CLCF1: variants seen among roughly 807,000 people sequenced by gnomAD.
CLCF1 encodes cardiotrophin like cytokine factor 1.
Under a neutral mutation model 21.2 loss-of-function variants are expected in CLCF1, and 10 were observed. The observed-to-expected ratio is 0.47, with a 90% CI of 0.29 to 0.80. The LOEUF (loss-of-function observed/expected upper bound fraction) is 0.80, where lower values mean the gene tolerates loss of function less well. Ranked by LOEUF, CLCF1 falls within the 30% of genes least tolerant of loss-of-function variation. The probability of loss-of-function intolerance (pLI) is 0.09; values close to 1 mark genes in which losing one functional copy is unlikely to be tolerated. For missense variants in CLCF1, 240 were observed against 293.4 expected (o/e 0.82, Z 1.33); for synonymous variants, 115 against 120.5 (o/e 0.95, Z 0.30).
At position 67,367,574 on chromosome 11, in the gene CLCF1, A is replaced by G. The variant is rs1862138962; in HGVS notation, c.69T>C (p.Pro23=). The change falls in exon 2 of 3, where the codon CCT becomes CCC. Residue 23 remains proline, a synonymous_variant. Transcript: ENST00000312438. ...ACLCTVLWHL[P]AVPALNRTGD... ...CTGTGCGATTGAGAGCTGGCACTGC[A>G]GGGAGGTGCCAGAGCACCGTGCACA... 3 of 1,613,820 alleles carry G rather than the reference A, an allele frequency of 1.9e-6. No homozygotes were observed. The highest frequency in any genetic ancestry group is 2.5e-6 in the Non-Finnish European group (3 of 1,179,916).
At chr11:67,373,860 C>G (rs1234972896), upstream of CLCF1, 3 of 941,888 alleles carry the variant, frequency 3.2e-6, no homozygotes, top group Non-Finnish European at 4.0e-6. Context: ...TGAGGTGAGG[C>G]GAGGCTGTGG....
chr11:67,366,376 C>T (rs773336986), intron 2 of CLCF1, among the ~76,000 whole-genome samples: 5 of 152,110 alleles, frequency 3.3e-5, no homozygotes, highest in African/African-American at 4.8e-5. Flanking sequence ...CCCCATTTGC[C>T]GCTGACACAC....
At position 67,372,277 on chromosome 11, in the gene CLCF1, C is replaced by G. The variant is rs1050302950; in HGVS notation, c.16+1247G>C. Among the ~76,000 whole-genome samples the G allele has an allele frequency of 6.6e-6, 1 of 151,898 alleles. No individual in the cohort carries two copies. The highest frequency in any genetic ancestry group is 2.4e-5 in the African/African-American group (1 of 41,370). ...CCTCTCCTGGTAGCCCCTCACACCCCGGGGGGAGGGCCAGGCTGGGAGCTG... is the reference window on the plus strand; with the variant it reads ...CCTCTCCTGGTAGCCCCTCACACCCGGGGGGGAGGGCCAGGCTGGGAGCTG... On this transcript the variant is annotated intron_variant, in intron 1 of 2. Coordinates refer to ENST00000312438, the MANE Select transcript of CLCF1 (RefSeq NM_013246.3). The surrounding 1 kb of genome is among the most constrained non-coding windows in gnomAD (Gnocchi z 5.9).
chr11:67,369,611 T>C lies in CLCF1; in HGVS notation c.17-1985A>G, dbSNP rs1196609525. On this transcript the variant is annotated intron_variant, in intron 1 of 2. Coordinates refer to ENST00000312438, the MANE Select transcript of CLCF1 (RefSeq NM_013246.3). The stretch of plus-strand genomic sequence containing the variant: ...TTAGTTTTGGAGATTGGAGACCTGC[T>C]GAATTGGGCAGCGGCCCTCCCAGCC... 1.2e-5 allele frequency: 12 copies of C among 985,334 alleles called. No individual in the cohort carries two copies. The East Asian group carries it at 1.4e-3, about 112-fold the overall frequency. The allele number at this position is 985,334 out of a possible 1,614,324, so 61.0% of individuals were successfully genotyped here. A position where few individuals can be genotyped will look rare whatever the true frequency, so the allele number is the denominator to read the frequency against.
rs1862176112 is a variant in CLCF1 at position 67,369,012 on chromosome 11, A to G, written c.17-1386T>C. 8 of 963,974 alleles carry G rather than the reference A, an allele frequency of 8.3e-6. No homozygotes were observed. The South Asian group carries it at 2.9e-4, about 36-fold the overall frequency. The allele number at this position is 963,974 out of a possible 1,614,324, so 59.7% of individuals were successfully genotyped here. On this transcript the variant is annotated intron_variant, in intron 1 of 2. Transcript: ENST00000312438. ...TTCTATAATGACATAGGTTGCTTTG[A>G]TAGGCAGAAATAACTTAGATAGGTA...
chr11:67,374,034 T>C (rs1370402458), upstream of CLCF1: 3 of 987,840 alleles, frequency 3.0e-6, no homozygotes, highest in East Asian at 3.4e-4. Flanking sequence ...GCGGGGTCCC[T>C]GATCCAACCT....
chr11:67,372,400 C>T lies in CLCF1; in HGVS notation c.16+1124G>A, dbSNP rs1199634262. ...AAGGAAGGCGGGTGGGGAGAGCAAG[C>T]ATGAGGGGACCTCTGGCGAGCCCCG... On this transcript the variant is annotated intron_variant, in intron 1 of 2. Coordinates refer to ENST00000312438, the MANE Select transcript of CLCF1 (RefSeq NM_013246.3). The surrounding 1 kb of genome is among the most constrained non-coding windows in gnomAD (Gnocchi z 5.9). Among the ~76,000 whole-genome samples, 1 of 152,078 alleles carries T rather than the reference C, an allele frequency of 6.6e-6. No individual in the cohort carries two copies. Among genetic ancestry groups the T allele is most frequent in the African/African-American group, 2.4e-5 (1 of 41,410 alleles).
At position 67,365,217 on chromosome 11, in the gene CLCF1, G is replaced by T. The variant is rs1274345065; in HGVS notation, c.597C>A (p.Ala199=). 1 of 1,613,912 alleles carries T rather than the reference G, an allele frequency of 6.2e-7. No homozygotes were observed. The highest frequency in any genetic ancestry group is 1.1e-5 in the South Asian group (1 of 91,092). ...KELQTWLWRS[A]KDFNRLKKKM... ...TCTTCTTGAGCCGGTTGAAGTCCTT[G>T]GCCGAGCGCCACAGCCAGGTCTGCA... The change falls in exon 3 of 3, where the codon GCC becomes GCA. Residue 199 remains alanine, a synonymous_variant. Transcript: ENST00000312438. This position sits in a 1 kb window ranked among gnomAD's most constrained non-coding sequence, Gnocchi z 5.0.
chr11:67,364,933 A>T lies in CLCF1; in HGVS notation c.*203T>A. 1.3e-6 allele frequency: 1 copy of T among 747,314 alleles called. No homozygotes were observed. Among genetic ancestry groups the T allele is most frequent in the Non-Finnish European group, 2.1e-6 (1 of 469,360 alleles). The allele number at this position is 747,314 out of a possible 1,614,324, so 46.3% of individuals were successfully genotyped here. On this transcript the variant is annotated 3_prime_UTR_variant, in exon 3 of 3. Coordinates refer to ENST00000312438, the MANE Select transcript of CLCF1 (RefSeq NM_013246.3). ...GTAGAAACAGGACAGGACAGGGCCT[A>T]CTGTACCTCCTCCCCAGCTCGGTAG...
At chr11:67,368,676 T>C in intron 1 of CLCF1, 1 of 985,348 alleles carries the variant, frequency 1.0e-6, no homozygotes, top group Non-Finnish European at 1.2e-6. Context: ...TTTAAAAGTT[T>C]CAGATTAGTT....
Position 67,365,112 on chromosome 11 carries a change from G to T in CLCF1, c.*24C>A. On this transcript the variant is annotated 3_prime_UTR_variant, in exon 3 of 3. Transcript: ENST00000312438. The surrounding 1 kb of genome is among the most constrained non-coding windows in gnomAD (Gnocchi z 5.0). ...AAAGTGGGAGCAGGGTTTGAAGGGG[G>T]AGCGAAGAGGAGAAGGTCAGAAGTC... is the stretch of plus-strand genomic sequence containing the variant. 1 of 1,613,156 alleles carries T rather than the reference G, an allele frequency of 6.2e-7. No individual in the cohort carries two copies. Among genetic ancestry groups the T allele is most frequent in the South Asian group, 1.1e-5 (1 of 91,018 alleles).
rs1234701453 is a variant in CLCF1, at chr11:67,373,552, G to T, written c.-13C>A. Reference sequence around the variant, plus strand: ...CTCGGAGGTCCATGGGGCTGGGGCCGGGCCGGCCGGGTGCGGCTCCTCTCC... The same window carrying T: ...CTCGGAGGTCCATGGGGCTGGGGCCTGGCCGGCCGGGTGCGGCTCCTCTCC... On this transcript the variant is annotated 5_prime_UTR_variant, in exon 1 of 3. Transcript: ENST00000312438. 7.2e-7 allele frequency: 1 copy of T among 1,384,960 alleles called. No individual in the cohort carries two copies. Among genetic ancestry groups the T allele is most frequent in the South Asian group, 1.6e-5 (1 of 63,944 alleles). 85.8% of individuals were successfully genotyped at this position (1,384,960 alleles called of 1,614,324 possible).
intron 1 of CLCF1, chr11:67,370,261 G>GCT (rs1044223816): frequency 1.0e-6 from 1 of 985,230 alleles, no homozygotes; most frequent in Non-Finnish European, 1.2e-6. Context: ...ACCCAACACA[G>GCT]CTCGCCTGCC....
rs972083219 is a variant in CLCF1, at chr11:67,372,065, G to C, written c.16+1459C>G. 9.2e-5 allele frequency among the ~76,000 whole-genome samples: 14 copies of C among 152,236 alleles called. No individual in the cohort carries two copies. The highest frequency in any genetic ancestry group is 3.4e-4 in the African/African-American group (14 of 41,540). ...TGGTCTGTTAGGGGAATATGTACTC[G>C]CATCCTGTCCGGTGTGAGGGGCAAC... On this transcript the variant is annotated intron_variant, in intron 1 of 2. Transcript: ENST00000312438. The surrounding 1 kb of genome is among the most constrained non-coding windows in gnomAD (Gnocchi z 5.9).
upstream of CLCF1, chr11:67,374,159 A>T (rs573079554): frequency 5.8e-4 from 568 of 985,548 alleles, 7 homozygotes; most frequent in South Asian, 0.023. Context: ...AATGCCAGCG[A>T]GCTGGCCTGG....
chr11:67,368,511 G>C, intron 1 of CLCF1: 8 of 985,342 alleles, frequency 8.1e-6, no homozygotes, highest in Non-Finnish European at 8.4e-6. Flanking sequence ...CTGTAAGGAG[G>C]GATGTGGGCA....
intron 1 of CLCF1, chr11:67,368,815 TGCTTGTCATGTTATGAAGA>T (rs1197280320): frequency 3.0e-6 from 3 of 984,826 alleles, no homozygotes; most frequent in Non-Finnish European, 3.6e-6. Context: ...GATGGGGCGC[TGCTTGTCATGTTATGAAGA>T]GCAGGGCTAG....
At position 67,364,810 on chromosome 11, in the gene CLCF1, T is replaced by TGG. The variant is rs1161489397; in HGVS notation, c.*324_*325dup. Reference sequence around the variant, plus strand: ...CCTCCAGATGTGCCACCTGAGGGGCTGGGTGGGCACTGGCCAAGTGGTAGG... The same window carrying TGG: ...CCTCCAGATGTGCCACCTGAGGGGCTGGGGGTGGGCACTGGCCAAGTGGTAGG... On this transcript the variant is annotated 3_prime_UTR_variant, in exon 3 of 3. Transcript: ENST00000312438. 3.1e-6 allele frequency: 1 copy of TGG among 324,536 alleles called. No homozygotes were observed. Among genetic ancestry groups the TGG allele is most frequent in the African/African-American group, 2.1e-5 (1 of 46,956 alleles). The allele number at this position is 324,536 out of a possible 1,614,324, so 20.1% of individuals were successfully genotyped here.
chr11:67,365,659 G>C lies in CLCF1; in HGVS notation c.184-29C>G. 6.3e-7 allele frequency: 1 copy of C among 1,584,092 alleles called. No homozygotes were observed. Among genetic ancestry groups the C allele is most frequent in the Non-Finnish European group, 8.6e-7 (1 of 1,161,588 alleles). ...TGAAAAGGAGAGGGTGATGGGGAAG[G>C]AGGAGGGCAGAGCCGCTGGCTCACC... is the stretch of plus-strand genomic sequence containing the variant. On this transcript the variant is annotated intron_variant, in intron 2 of 2. Coordinates refer to ENST00000312438, the MANE Select transcript of CLCF1 (RefSeq NM_013246.3). This position sits in a 1 kb window ranked among gnomAD's most constrained non-coding sequence, Gnocchi z 5.0.
Sources: allele counts gnomAD v4.1 joint callset (sites outside exome capture counted in the v4.1 genomes callset), GRCh38; gene constraint gnomAD v4.1.1; non-coding constraint Gnocchi (gnomAD v3.1); transcripts MANE v1.5; gene names NCBI Gene and HGNC (gene_info 2026-07-23, HGNC 2026-07-21).